Variants in TSPAN13 observed in about 807,000 individuals in gnomAD.
TSPAN13 encodes tetraspanin 13.
A neutral mutation model predicts 26.9 loss-of-function variants in TSPAN13; 18 were observed. The ratio of observed to expected loss-of-function variants is 0.67; its 90% CI spans 0.46 to 0.99. TSPAN13 has a LOEUF of 0.99. TSPAN13 is among the 50% of genes least tolerant of loss of function. TSPAN13 has a pLI of 0.00. For missense variants in TSPAN13, 201 were observed against 249.6 expected, an observed-to-expected ratio of 0.81 and a Z score of 1.31; for synonymous variants, 116 against 98.4, an observed-to-expected ratio of 1.18 and a Z score of -1.06.
intron 1 of TSPAN13, among the ~76,000 whole-genome samples, chr7:16,763,654 A>G (rs13244013): frequency 0.26 from 39,011 of 152,084 alleles, 5,908 homozygotes; most frequent in Non-Finnish European, 0.33. Flanking sequence ...TCGATCTTGC[A>G]GGACACGCTT....
At chr7:16,773,269 C>A (rs1241448394) in intron 1 of TSPAN13, among the ~76,000 whole-genome samples, 11 of 150,892 alleles carry the variant, frequency 7.3e-5, no homozygotes, top group African/African-American at 2.4e-4. Flanking sequence ...CAGCCCACAG[C>A]CAGATCCATC....
At position 16,777,859 on chromosome 7, in the gene TSPAN13, A is replaced by C. The variant is rs1784770900; in HGVS notation, c.374A>C (p.Asn125Thr). The C allele has an allele frequency of 6.2e-7, 1 of 1,613,842 alleles. No homozygotes were observed. Among genetic ancestry groups the C allele is most frequent in the South Asian group, 1.1e-5 (1 of 91,066 alleles). The change falls in exon 4 of 6, where the codon AAT (asparagine) becomes ACT (threonine). Residue 125 changes from asparagine to threonine, a missense_variant. Coordinates refer to ENST00000262067, the MANE Select transcript of TSPAN13 (RefSeq NM_014399.4). The part of the protein sequence containing the change: ...TASARNDIQR[N>T]LNCCGFRSVN... ...AGTGCTCGAAATGACATCCAGAGAA[A>C]TCTAAACTGCTGTGGGTTCCGAAGT... is the stretch of plus-strand genomic sequence containing the variant.
chr7:16,758,400 G>A lies in TSPAN13; in HGVS notation c.63+4370G>A, dbSNP rs73679868. ...AAATTGGTGATGATATTTTTCAGTCGTCCCCTCATGAAGCTGTGTAAGGAT... is the reference window on the plus strand; with the variant it reads ...AAATTGGTGATGATATTTTTCAGTCATCCCCTCATGAAGCTGTGTAAGGAT... On this transcript the variant is annotated intron_variant, in intron 1 of 5. Coordinates refer to ENST00000262067, the MANE Select transcript of TSPAN13 (RefSeq NM_014399.4). Among the ~76,000 whole-genome samples, 363 of 152,148 alleles carry A rather than the reference G, an allele frequency of 2.4e-3. 3 individuals carry two copies. The highest frequency in any genetic ancestry group is 8.0e-3 in the African/African-American group (332 of 41,512).
At chr7:16,775,905 C>A in intron 1 of TSPAN13, 1 of 236,426 alleles carries the variant, frequency 4.2e-6, no homozygotes. Context: ...TCTTCAAAAT[C>A]TTCAGTAGCA....
Position 16,783,520 on chromosome 7 carries a change from A to T in TSPAN13, c.*29A>T. ...GAAAACAAGGAAGATTTCCTTTCGT[A>T]TTATGATCTTGTTCACTTTCTGTAA... is the stretch of plus-strand genomic sequence containing the variant. On this transcript the variant is annotated 3_prime_UTR_variant, in exon 6 of 6. Coordinates refer to ENST00000262067, the MANE Select transcript of TSPAN13 (RefSeq NM_014399.4). 1 of 1,597,092 alleles carries T rather than the reference A, an allele frequency of 6.3e-7. No homozygotes were observed. Among genetic ancestry groups the T allele is most frequent in the South Asian group, 1.1e-5 (1 of 90,452 alleles).
intron 1 of TSPAN13, among the ~76,000 whole-genome samples, chr7:16,754,781 C>A (rs960964537): frequency 6.6e-6 from 1 of 152,110 alleles, no homozygotes; most frequent in African/African-American, 2.4e-5. Flanking sequence ...ACGCTGCAGG[C>A]TCTCTTTGTG....
chr7:16,767,539 C>T (rs1164199524), intron 1 of TSPAN13, among the ~76,000 whole-genome samples: 1 of 152,106 alleles, frequency 6.6e-6, no homozygotes, highest in Non-Finnish European at 1.5e-5. Flanking sequence ...TAGTTGGGTA[C>T]ATAGGTGTTC....
chr7:16,765,103 A>C (rs930391177), intron 1 of TSPAN13, among the ~76,000 whole-genome samples: 2 of 151,284 alleles, frequency 1.3e-5, no homozygotes, highest in African/African-American at 2.4e-5. Context: ...CTGGCTAAGA[A>C]TTTCTTTCTT....
intron 1 of TSPAN13, among the ~76,000 whole-genome samples, chr7:16,764,464 G>T (rs1405900049): frequency 6.6e-6 from 1 of 152,006 alleles, no homozygotes; most frequent in African/African-American, 2.4e-5. Flanking sequence ...AGAATTTCTT[G>T]TTCCCCTACT....
chr7:16,778,344 C>A (rs1267761750), intron 4 of TSPAN13, among the ~76,000 whole-genome samples: 1 of 152,202 alleles, frequency 6.6e-6, no homozygotes, highest in African/African-American at 2.4e-5. Flanking sequence ...TGCTGCGTAA[C>A]ACATTATTAC....
intron 1 of TSPAN13, among the ~76,000 whole-genome samples, chr7:16,769,026 A>G (rs9942564): frequency 5.5e-4 from 84 of 151,984 alleles, no homozygotes; most frequent in African/African-American, 1.9e-3. Context: ...GGGTTTCACT[A>G]TGTTGGCCAG....
Position 16,771,366 on chromosome 7 carries a change from C to A in TSPAN13, c.64-4845C>A, listed in dbSNP as rs7780446. ...TAACCACACACTCCAAAAAGTCGTT[C>A]ATATCCTAATCCTTGAAACCTACAA... On this transcript the variant is annotated intron_variant, in intron 1 of 5. Coordinates refer to ENST00000262067, the MANE Select transcript of TSPAN13 (RefSeq NM_014399.4). Among the ~76,000 whole-genome samples, 888 of 152,342 alleles carry A rather than the reference C, an allele frequency of 5.8e-3. 5 individuals are homozygous for A. The highest frequency in any genetic ancestry group is 0.02 in the African/African-American group (824 of 41,566).
At chr7:16,761,500 G>T (rs2115323383) in intron 1 of TSPAN13, among the ~76,000 whole-genome samples, 1 of 152,166 alleles carries the variant, frequency 6.6e-6, no homozygotes, top group Non-Finnish European at 1.5e-5. Context: ...GAGGCATATT[G>T]AGGAAGATAG....
intron 1 of TSPAN13, among the ~76,000 whole-genome samples, chr7:16,772,183 C>T (rs11982151): frequency 0.16 from 24,608 of 152,064 alleles, 2,057 homozygotes; most frequent in African/African-American, 0.19. Context: ...ATTTGCTTTG[C>T]GGCGAGGATG....
chr7:16,771,031 A>G (rs1272697862), intron 1 of TSPAN13, among the ~76,000 whole-genome samples: 5 of 152,304 alleles, frequency 3.3e-5, no homozygotes, highest in African/African-American at 7.2e-5. Context: ...CAGTTATGCA[A>G]GGGTCTCAGT....
At chr7:16,782,691 T>G (rs10215539) in intron 5 of TSPAN13, among the ~76,000 whole-genome samples, 273 of 152,268 alleles carry the variant, frequency 1.8e-3, no homozygotes, top group African/African-American at 6.3e-3. Context: ...GTTGGAAAAT[T>G]TATTCATTTT....
intron 1 of TSPAN13, among the ~76,000 whole-genome samples, chr7:16,771,209 G>T (rs1784674035): frequency 6.6e-6 from 1 of 152,172 alleles, no homozygotes; most frequent in South Asian, 2.1e-4. Flanking sequence ...ATTTCCCATA[G>T]TTTTTCTGTG....
At chr7:16,765,396 G>A (rs990610646) in intron 1 of TSPAN13, among the ~76,000 whole-genome samples, 2 of 152,168 alleles carry the variant, frequency 1.3e-5, no homozygotes, top group Non-Finnish European at 2.9e-5. Flanking sequence ...GAGCCACTGC[G>A]CCTGGCCTGG....
intron 5 of TSPAN13, among the ~76,000 whole-genome samples, chr7:16,782,150 A>T (rs1784820112): frequency 6.6e-6 from 1 of 152,222 alleles, no homozygotes; most frequent in Admixed American, 6.5e-5. Flanking sequence ...ACTCTTTGTT[A>T]TGTTTGTTAA....
Sources: gnomAD v4.1 joint callset for allele counts (sites outside exome capture counted in the v4.1 genomes callset) on GRCh38, gnomAD v4.1.1 for gene constraint, MANE v1.5 for transcripts, NCBI Gene and HGNC (gene_info 2026-07-23, HGNC 2026-07-21) for gene names.